The following ZNF831 variants were observed in gnomAD, a reference collection of about 807,000 sequenced individuals.
The protein encoded by ZNF831 is chromosome 20 open reading frame 174.
A neutral mutation model predicts 95.8 loss-of-function variants in ZNF831; 59 were observed. The ratio of observed to expected loss-of-function variants is 0.62; its 90% CI spans 0.50 to 0.77. ZNF831 has a LOEUF of 0.77. ZNF831 is among the 30% of genes least tolerant of loss of function. The pLI is 0.00. For synonymous variants in ZNF831, 961 were observed against 925.5 expected (o/e 1.04, Z -0.70); for missense variants, 2,205 against 2,164.0 (o/e 1.02, Z -0.38).
At position 59,254,921 on chromosome 20, in the gene ZNF831, C is replaced by T. The variant is rs78986299; in HGVS notation, c.*178C>T. On this transcript the variant is annotated 3_prime_UTR_variant, in exon 6 of 6. Transcript: ENST00000371030. The surrounding 1 kb of genome is among the most constrained non-coding windows in gnomAD (Gnocchi z 4.5). Reference sequence around the variant, plus strand: ...CTTCTGACCCCCAACTCAGCCGCAGCGTTCCCCAGCTCCCCTTGGGAGTGC... The same window carrying T: ...CTTCTGACCCCCAACTCAGCCGCAGTGTTCCCCAGCTCCCCTTGGGAGTGC... 458 of 771,630 alleles carry T rather than the reference C, an allele frequency of 5.9e-4. 1 individual carries two copies. In the East Asian group the frequency reaches 9.6e-3, roughly 16 times the overall value. 47.8% of individuals were successfully genotyped at this position (771,630 alleles called of 1,614,324 possible).
Position 59,194,240 on chromosome 20 carries a change from G to C in ZNF831, c.3221G>C (p.Arg1074Pro), listed in dbSNP as rs200337383. ...CAGGACATGGAGGGTGACAGCCACC[G>C]TATCCATCGCCTCTGCATGGGCAGC... ...LVQDMEGDSH[R>P]IHRLCMGSTL... The change falls in exon 2 of 6, where the codon CGT becomes CCT. Residue 1074 changes from arginine to proline, a missense_variant. Arg to Pro is a moderately radical substitution (Grantham distance 103, BLOSUM62 -2). Coordinates refer to ENST00000371030, the MANE Select transcript of ZNF831 (RefSeq NM_178457.3). 6.2e-7 allele frequency: 1 copy of C among 1,613,892 alleles called. No homozygotes were observed. Among genetic ancestry groups the C allele is most frequent in the Non-Finnish European group, 8.5e-7 (1 of 1,179,966 alleles).
At chr20:59,124,735 G>T (rs1341737366) in intron 1 of ZNF831, among the ~76,000 whole-genome samples, 1 of 152,230 alleles carries the variant, frequency 6.6e-6, no homozygotes, top group Non-Finnish European at 1.5e-5. Flanking sequence ...TCTCTCTCGT[G>T]TAAGGGGCTG....
At chr20:59,240,788 C>T (rs533836916) in intron 4 of ZNF831, among the ~76,000 whole-genome samples, 24 of 152,082 alleles carry the variant, frequency 1.6e-4, no homozygotes, top group African/African-American at 5.8e-4. Flanking sequence ...GGCGACAGAG[C>T]GAGCCTCCGT....
At chr20:59,240,131 C>G (rs1987241425) in intron 4 of ZNF831, among the ~76,000 whole-genome samples, 1 of 151,254 alleles carries the variant, frequency 6.6e-6, no homozygotes, top group South Asian at 2.1e-4. Context: ...CACCTACCCC[C>G]ACAGTCCCCC....
intron 1 of ZNF831, among the ~76,000 whole-genome samples, chr20:59,184,746 G>A (rs1392362627): frequency 1.3e-5 from 2 of 152,152 alleles, no homozygotes; most frequent in African/African-American, 2.4e-5. Flanking sequence ...GGCCCTAAAT[G>A]TAAATTCTAA....
intron 1 of ZNF831, among the ~76,000 whole-genome samples, chr20:59,182,880 C>T (rs1350409735): frequency 6.6e-6 from 1 of 152,216 alleles, no homozygotes; most frequent in Non-Finnish European, 1.5e-5. Flanking sequence ...TTGTTTCTAA[C>T]CAGCTATTCT....
chr20:59,193,143 T>C lies in ZNF831; in HGVS notation c.2124T>C (p.Thr708=). Residue 708 remains threonine, a synonymous_variant, in exon 2 of 6, where the codon ACT becomes ACC. Transcript: ENST00000371030. ...ALEASLVTEP[T]KHGETVARRG... Reference sequence around the variant, plus strand: ...AGGCCTCCTTGGTGACTGAACCCACTAAGCATGGGGAGACGGTGGCCAGGA... The same window carrying C: ...AGGCCTCCTTGGTGACTGAACCCACCAAGCATGGGGAGACGGTGGCCAGGA... 1 of 1,577,668 alleles carries C rather than the reference T, an allele frequency of 6.3e-7. No homozygotes were observed. Among genetic ancestry groups the C allele is most frequent in the East Asian group, 2.4e-5 (1 of 42,472 alleles).
At chr20:59,156,623 C>G (rs1001570773) in intron 2 of ZNF831, among the ~76,000 whole-genome samples, 1 of 152,202 alleles carries the variant, frequency 6.6e-6, no homozygotes, top group Non-Finnish European at 1.5e-5. Context: ...ACTTAGCCAT[C>G]TCGCATAACT....
At chr20:59,203,253 C>G (rs1984656335) in intron 3 of ZNF831, among the ~76,000 whole-genome samples, 2 of 152,138 alleles carry the variant, frequency 1.3e-5, no homozygotes, top group Non-Finnish European at 2.9e-5. Flanking sequence ...CAACTATGGA[C>G]CACGGGTTAA....
chr20:59,252,027 G>A (rs889826292), intron 4 of ZNF831, among the ~76,000 whole-genome samples: 1 of 152,132 alleles, frequency 6.6e-6, no homozygotes, highest in African/African-American at 2.4e-5. Context: ...TTGAAGAGGA[G>A]GAGAGCTGGA....
intron 4 of ZNF831, among the ~76,000 whole-genome samples, chr20:59,211,050 A>G (rs1985285487): frequency 2.9e-5 from 2 of 68,212 alleles, no homozygotes; most frequent in South Asian, 9.8e-4. Flanking sequence ...AAAAAAAAAG[A>G]AAAAAAAAAA....
At chr20:59,156,676 C>A (rs1333665876) in intron 2 of ZNF831, among the ~76,000 whole-genome samples, 1 of 152,224 alleles carries the variant, frequency 6.6e-6, no homozygotes, top group African/African-American at 2.4e-5. Flanking sequence ...CATTTCTCCT[C>A]CCCTACTCCC....
intron 4 of ZNF831, among the ~76,000 whole-genome samples, chr20:59,243,088 A>G (rs192235326): frequency 4.8e-4 from 73 of 152,352 alleles, no homozygotes; most frequent in Admixed American, 4.5e-3. Flanking sequence ...CTCCAGGGCA[A>G]GGCAGGGCAG....
At chr20:59,141,089 G>A (rs949406493) in intron 1 of ZNF831, among the ~76,000 whole-genome samples, 3 of 152,060 alleles carry the variant, frequency 2.0e-5, no homozygotes, top group Admixed American at 6.6e-5. Flanking sequence ...TAGTAGAGAC[G>A]AGGTTTCACC....
rs1983652982 is a variant in ZNF831, at chr20:59,192,407, G to T, written c.1388G>T (p.Arg463Leu). Reference sequence around the variant, plus strand: ...GACATCCGCGCGCTGGAGCCAGGCCGTAGGAGGGCCCCGGGCCCCGTGCGC... The same window carrying T: ...GACATCCGCGCGCTGGAGCCAGGCCTTAGGAGGGCCCCGGGCCCCGTGCGC... ...HFDIRALEPG[R>L]RRAPGPVRST... The change falls in exon 2 of 6, where the codon CGT becomes CTT. Residue 463 changes from arginine (R) to leucine (L), a missense_variant. Physicochemically the swap from Arg to Leu is moderately radical, Grantham distance 102 (BLOSUM62 -2). Coordinates refer to ENST00000371030, the MANE Select transcript of ZNF831 (RefSeq NM_178457.3). This position sits in a 1 kb window ranked among gnomAD's most constrained non-coding sequence, Gnocchi z 5.2. 6.2e-7 allele frequency: 1 copy of T among 1,611,956 alleles called. No homozygotes were observed. The highest frequency in any genetic ancestry group is 8.5e-7 in the Non-Finnish European group (1 of 1,179,436).
chr20:59,222,681 G>C (rs549612870), intron 4 of ZNF831, among the ~76,000 whole-genome samples: 2 of 152,158 alleles, frequency 1.3e-5, no homozygotes, highest in Non-Finnish European at 2.9e-5. Context: ...CTCCGCGGGG[G>C]CCCCCTAGCG....
chr20:59,181,296 C>T (rs1446193581), intron 1 of ZNF831, among the ~76,000 whole-genome samples: 1 of 152,166 alleles, frequency 6.6e-6, no homozygotes, highest in African/African-American at 2.4e-5. Flanking sequence ...GAGTAGCTTG[C>T]AAAAATTTTC....
chr20:59,191,756 T>G lies in ZNF831; in HGVS notation c.737T>G (p.Leu246Arg). 9 of 1,607,212 alleles carry G rather than the reference T, an allele frequency of 5.6e-6. No homozygotes were observed. Among genetic ancestry groups the G allele is most frequent in the Non-Finnish European group, 7.7e-6 (9 of 1,176,468 alleles). The stretch of plus-strand genomic sequence containing the variant: ...CACGAAGGCGCCTCGGAGAGACCCC[T>G]TTCTCCGGGTGCCCACGTGCCCCTA... Reference protein sequence around the residue: ...GMHEGASERPLSPGAHVPLLA... With the variant: ...GMHEGASERPRSPGAHVPLLA... Residue 246 changes from leucine to arginine, a missense_variant, in exon 2 of 6, where the codon CTT becomes CGT. By Grantham distance (102) the Leu-to-Arg change is moderately radical. Coordinates refer to ENST00000371030, the MANE Select transcript of ZNF831 (RefSeq NM_178457.3).
chr20:59,207,108 C>T (rs769070244), intron 4 of ZNF831, 52 bp downstream of exon 4: 3 of 1,595,538 alleles, frequency 1.9e-6, no homozygotes. Flanking sequence ...AGGCACCCGC[C>T]CAAGGCATAG....
Sources: allele counts gnomAD v4.1 joint callset (sites outside exome capture counted in the v4.1 genomes callset), GRCh38; gene constraint gnomAD v4.1.1; non-coding constraint Gnocchi (gnomAD v3.1); transcripts MANE v1.5; gene names NCBI Gene and HGNC (gene_info 2026-07-23, HGNC 2026-07-21).